Variants in PACRG observed in about 807,000 individuals in gnomAD.
The protein encoded by PACRG is parkin coregulated gene protein.
PACRG carries 29 observed loss-of-function variants against 29.7 expected under a neutral mutation model. That is an observed-to-expected ratio of 0.98 (90% CI 0.73 to 1.33). The LOEUF (loss-of-function observed/expected upper bound fraction) is 1.33, where lower values mean the gene tolerates loss of function less well. Among genes scored for constraint, PACRG ranks in the 40% most tolerant of loss-of-function variants. The pLI is 0.00. For synonymous variants in PACRG, 116 were observed against 118.7 expected, an observed-to-expected ratio of 0.98 and a Z score of 0.15; for missense variants, 279 against 316.2, an observed-to-expected ratio of 0.88 and a Z score of 0.89.
chr6:162,894,727 CTT>C (rs1424030201), intron 2 of PACRG, among the ~76,000 whole-genome samples: 1 of 152,164 alleles, frequency 6.6e-6, no homozygotes, highest in African/African-American at 2.4e-5. Context: ...ATTTGGAACT[CTT>C]TCTGTTCATT....
chr6:163,283,769 C>T (rs993382099), intron 4 of PACRG, among the ~76,000 whole-genome samples: 1 of 147,982 alleles, frequency 6.8e-6, no homozygotes, highest in African/African-American at 2.5e-5. Flanking sequence ...CCACTGCAGT[C>T]CGCAGTCCGG....
chr6:163,314,515 C>A (rs1012314522), intron 4 of PACRG, among the ~76,000 whole-genome samples: 1 of 152,122 alleles, frequency 6.6e-6, no homozygotes, highest in African/African-American at 2.4e-5. Flanking sequence ...AAACTCAGGG[C>A]CCAAGAGAAC....
At chr6:162,884,091 C>T (rs9986573) in intron 2 of PACRG, among the ~76,000 whole-genome samples, 24,328 of 151,946 alleles carry the variant, frequency 0.16, 2,088 homozygotes, top group Middle Eastern at 0.2. Context: ...GCTGAGACTA[C>T]GGGCCTGCCA....
intron 4 of PACRG, among the ~76,000 whole-genome samples, chr6:163,175,611 G>A (rs971911938): frequency 1.3e-5 from 2 of 152,040 alleles, no homozygotes; most frequent in Admixed American, 6.5e-5. Flanking sequence ...GGGTGCATAA[G>A]GGGGAGTGGG....
At chr6:162,997,384 C>T in intron 2 of PACRG, 1 of 453,032 alleles carries the variant, frequency 2.2e-6, no homozygotes, top group Non-Finnish European at 4.4e-6. Flanking sequence ...AAACCAGCAA[C>T]ACTTATTTAC....
intron 4 of PACRG, chr6:163,170,813 CG>C (rs1779048072): frequency 6.6e-6 from 1 of 152,224 alleles, no homozygotes; most frequent in South Asian, 2.1e-4. Context: ...CTTCTTTTAT[CG>C]CTTAGACCTT....
intron 2 of PACRG, among the ~76,000 whole-genome samples, chr6:162,939,635 C>T (rs1435116359): frequency 6.6e-6 from 1 of 151,456 alleles, no homozygotes; most frequent in African/African-American, 2.4e-5. Flanking sequence ...TCTTTGTTCT[C>T]CTTATTCCTT....
intron 4 of PACRG, among the ~76,000 whole-genome samples, chr6:163,187,229 C>G (rs1397452132): frequency 1.3e-5 from 2 of 152,178 alleles, no homozygotes; most frequent in African/African-American, 2.4e-5. Context: ...TCCGCTCCTC[C>G]GTTGTATGCC....
At chr6:162,995,561 C>T (rs538840693) in intron 2 of PACRG, among the ~76,000 whole-genome samples, 7 of 152,350 alleles carry the variant, frequency 4.6e-5, no homozygotes, top group East Asian at 1.9e-4. Context: ...TGACCCCTTG[C>T]GCTTCCCACG....
intron 2 of PACRG, among the ~76,000 whole-genome samples, chr6:163,017,770 C>A (rs928298591): frequency 6.6e-5 from 10 of 152,132 alleles, no homozygotes; most frequent in Non-Finnish European, 1.5e-4. Context: ...AGTTACTACT[C>A]TTAAAAATTC....
At position 163,239,855 on chromosome 6, in the gene PACRG, C is replaced by T. The variant is rs1299962579; in HGVS notation, c.614-74972C>T. Among the ~76,000 whole-genome samples, 3 of 144,764 alleles carry T rather than the reference C, an allele frequency of 2.1e-5. No individual in the cohort carries two copies. In the South Asian group the frequency reaches 7.2e-4, roughly 35 times the overall value. 95.0% of individuals were successfully genotyped at this position (144,764 alleles called of 152,430 possible). ...ACACACTCACATACACACACACTCTCACACTCCCACCCCGACATACACACA... is the reference window on the plus strand; with the variant it reads ...ACACACTCACATACACACACACTCTTACACTCCCACCCCGACATACACACA... On this transcript the variant is annotated intron_variant, in intron 4 of 4. Transcript: ENST00000366888.
At chr6:162,869,963 A>G (rs916891103) in intron 2 of PACRG, among the ~76,000 whole-genome samples, 24 of 152,122 alleles carry the variant, frequency 1.6e-4, no homozygotes, top group African/African-American at 3.4e-4. Flanking sequence ...ATTGTAGTCT[A>G]TATGGTTTTA....
chr6:162,952,624 T>C (rs1482082429), intron 2 of PACRG, among the ~76,000 whole-genome samples: 2 of 152,190 alleles, frequency 1.3e-5, no homozygotes, highest in Non-Finnish European at 2.9e-5. Flanking sequence ...TAGTCTTGGC[T>C]CAGGAGAGTC....
rs555861687 is a variant in PACRG at position 163,268,319 on chromosome 6, G to A, written c.614-46508G>A. 4.8e-4 allele frequency among the ~76,000 whole-genome samples: 73 copies of A among 151,808 alleles called. 2 individuals carry two copies. The South Asian group carries it at 0.011, about 24-fold the overall frequency. On this transcript the variant is annotated intron_variant, in intron 4 of 4. Coordinates refer to ENST00000366888, the MANE Select transcript of PACRG (RefSeq NM_001080379.2). ...CGGGAGGCTGAGGCAAGAGAATGGC[G>A]TGAACCTGGGAGGCAGAGCTTGCAG...
At chr6:162,890,708 C>A (rs767512899) in intron 2 of PACRG, among the ~76,000 whole-genome samples, 1 of 152,202 alleles carries the variant, frequency 6.6e-6, no homozygotes, top group Non-Finnish European at 1.5e-5. Context: ...ATGTGCCCCA[C>A]GTGGGCATTC....
At chr6:163,063,863 G>T (rs1811301315) in intron 3 of PACRG, among the ~76,000 whole-genome samples, 1 of 152,188 alleles carries the variant, frequency 6.6e-6, no homozygotes, top group African/African-American at 2.4e-5. Context: ...GGCTGTCAGG[G>T]AGGGTGTAGC....
At chr6:163,197,292 A>G (rs998385716) in intron 4 of PACRG, among the ~76,000 whole-genome samples, 2 of 152,100 alleles carry the variant, frequency 1.3e-5, no homozygotes, top group African/African-American at 4.8e-5. Flanking sequence ...TCCAGTACAC[A>G]TCTATTTTGA....
intron 4 of PACRG, among the ~76,000 whole-genome samples, chr6:163,207,395 G>A (rs571963931): frequency 6.6e-6 from 1 of 152,252 alleles, no homozygotes; most frequent in African/African-American, 2.4e-5. Flanking sequence ...AGAAATGAAG[G>A]TATAAGGCCT....
intron 4 of PACRG, among the ~76,000 whole-genome samples, chr6:163,135,033 A>T: frequency 6.6e-6 from 1 of 152,174 alleles, no homozygotes; most frequent in African/African-American, 2.4e-5. Flanking sequence ...CTCTCAGTAT[A>T]TATATCTGTA....
Sources: allele counts gnomAD v4.1 joint callset (sites outside exome capture counted in the v4.1 genomes callset), GRCh38; gene constraint gnomAD v4.1.1; transcripts MANE v1.5; gene names NCBI Gene and HGNC (gene_info 2026-07-23, HGNC 2026-07-21).